The following GPR158 variants were observed in gnomAD, a reference collection of about 807,000 sequenced individuals.
GPR158 encodes the protein G protein-coupled receptor 158, also known as metabotropic glycine receptor.
In GPR158, 30 loss-of-function variants were observed where a neutral mutation model predicts 78.2. The observed-to-expected ratio is 0.38, with a 90% CI of 0.29 to 0.52. The LOEUF (loss-of-function observed/expected upper bound fraction) is 0.52. GPR158 is among the 20% of genes least tolerant of loss of function. The pLI is 0.83. For synonymous variants in GPR158, 581 were observed against 591.1 expected, an observed-to-expected ratio of 0.98 and a Z score of 0.25; for missense variants, 1,463 against 1,523.5, an observed-to-expected ratio of 0.96 and a Z score of 0.66.
At chr10:25,490,878 A>G (rs1247396153) in intron 5 of GPR158, among the ~76,000 whole-genome samples, 1 of 152,184 alleles carries the variant, frequency 6.6e-6, no homozygotes, top group Non-Finnish European at 1.5e-5. Context: ...GTGTGTATAC[A>G]CAAAATAATA....
chr10:25,479,492 G>A (rs1394088378), intron 5 of GPR158, among the ~76,000 whole-genome samples: 1 of 152,038 alleles, frequency 6.6e-6, no homozygotes, highest in African/African-American at 2.4e-5. Flanking sequence ...CTTGCTCACT[G>A]CAACCTGTGC....
chr10:25,292,150 T>C (rs1854447702), intron 2 of GPR158, among the ~76,000 whole-genome samples: 3 of 151,938 alleles, frequency 2.0e-5, no homozygotes, highest in Admixed American at 2.0e-4. Context: ...AAACTACTTA[T>C]GTATCAATTG....
At chr10:25,537,979 A>G (rs1836522698) in intron 5 of GPR158, among the ~76,000 whole-genome samples, 1 of 152,188 alleles carries the variant, frequency 6.6e-6, no homozygotes, top group African/African-American at 2.4e-5. Flanking sequence ...ACCCAATTTC[A>G]GGTATTTCTT....
chr10:25,285,013 A>G (rs1437409670), intron 2 of GPR158, among the ~76,000 whole-genome samples: 1 of 152,032 alleles, frequency 6.6e-6, no homozygotes, highest in Non-Finnish European at 1.5e-5. Context: ...ATAATATACA[A>G]ATAAAAGGCA....
At chr10:25,208,558 TTGTGTGTGTGTGTGTGTGTGTGTGTGTG>T (rs71399956) in intron 1 of GPR158, among the ~76,000 whole-genome samples, 2 of 135,154 alleles carry the variant, frequency 1.5e-5, no homozygotes, top group Non-Finnish European at 3.2e-5. Flanking sequence ...CTATGTGAAT[TTGTGTGTGTGTGTGTGTGTGTGTGTGTG>T]TGTGTGTGTG....
intron 2 of GPR158, among the ~76,000 whole-genome samples, chr10:25,331,736 G>A (rs905192226): frequency 2.0e-5 from 3 of 152,140 alleles, no homozygotes; most frequent in Non-Finnish European, 4.4e-5. Flanking sequence ...CTTGAGTCCC[G>A]CATGCTTTGT....
chr10:25,535,813 C>T (rs569347614), intron 5 of GPR158, among the ~76,000 whole-genome samples: 163 of 152,352 alleles, frequency 1.1e-3, no homozygotes, highest in Middle Eastern at 3.4e-3. Flanking sequence ...CTCAACTCCA[C>T]ACTATTCAGA....
At chr10:25,368,242 T>C (rs1833926249) in intron 2 of GPR158, among the ~76,000 whole-genome samples, 1 of 151,852 alleles carries the variant, frequency 6.6e-6, no homozygotes, top group South Asian at 2.1e-4. Context: ...ATTTTAATCC[T>C]TGTTTCAGGA....
chr10:25,293,877 T>C (rs766016266), intron 2 of GPR158, among the ~76,000 whole-genome samples: 12 of 151,730 alleles, frequency 7.9e-5, no homozygotes, highest in Non-Finnish European at 1.5e-4. Flanking sequence ...TCCTGAGTAG[T>C]TGGGATTATA....
intron 5 of GPR158, among the ~76,000 whole-genome samples, chr10:25,492,238 C>T (rs1835820588): frequency 1.3e-5 from 2 of 152,118 alleles, no homozygotes; most frequent in South Asian, 4.1e-4. Context: ...ATTAAGGATC[C>T]ACCTGCATAA....
chr10:25,323,372 A>C (rs370341681), intron 2 of GPR158, among the ~76,000 whole-genome samples: 2 of 152,108 alleles, frequency 1.3e-5, no homozygotes, highest in African/African-American at 4.8e-5. Context: ...CAAGAGACTC[A>C]CTCAGCCTGC....
chr10:25,290,740 G>A (rs1024260175), intron 2 of GPR158, among the ~76,000 whole-genome samples: 1 of 152,002 alleles, frequency 6.6e-6, no homozygotes, highest in African/African-American at 2.4e-5. Context: ...ATATTACTAT[G>A]TATCTTCCTT....
At position 25,245,340 on chromosome 10, in the gene GPR158, G is replaced by A. The variant is rs758593702; in HGVS notation, c.1008+24183G>A. Among the ~76,000 whole-genome samples, 3 of 152,168 alleles carry A rather than the reference G, an allele frequency of 2.0e-5. No homozygotes were observed. The South Asian group carries it at 6.2e-4, about 31-fold the overall frequency. On this transcript the variant is annotated intron_variant, in intron 2 of 10. Coordinates refer to ENST00000376351, the MANE Select transcript of GPR158 (RefSeq NM_020752.3). ...GTCTTCTGTCAGTAAATCCTATGGT[G>A]AGTCATAGGATCATGGGATATGATT...
intron 2 of GPR158, among the ~76,000 whole-genome samples, chr10:25,376,796 G>A (rs144377395): frequency 1.5e-4 from 22 of 151,520 alleles, no homozygotes; most frequent in Admixed American, 1.5e-3. Flanking sequence ...TTTTCTTTCT[G>A]CACTTTCAGT....
chr10:25,539,695 G>C (rs1228517920), intron 5 of GPR158, among the ~76,000 whole-genome samples: 1 of 151,770 alleles, frequency 6.6e-6, no homozygotes, highest in Non-Finnish European at 1.5e-5. Flanking sequence ...TTGTTGTTTT[G>C]GGGTAATAGG....
chr10:25,292,556 T>A (rs1403954283), intron 2 of GPR158, among the ~76,000 whole-genome samples: 1 of 152,132 alleles, frequency 6.6e-6, no homozygotes, highest in Non-Finnish European at 1.5e-5. Context: ...TATAGCAGAA[T>A]CATTGAATGA....
At chr10:25,306,597 CTGT>C (rs1854679551) in intron 2 of GPR158, among the ~76,000 whole-genome samples, 2 of 152,118 alleles carry the variant, frequency 1.3e-5, no homozygotes, top group Admixed American at 1.3e-4. Context: ...ACACATACTT[CTGT>C]TGTTTTCATA....
intron 4 of GPR158, among the ~76,000 whole-genome samples, chr10:25,463,363 G>A (rs1224924845): frequency 2.6e-5 from 4 of 152,040 alleles, no homozygotes; most frequent in Non-Finnish European, 2.9e-5. Flanking sequence ...GCTGTGGTCT[G>A]AAACCAAACC....
At chr10:25,505,976 AT>A (rs1418521553) in intron 5 of GPR158, among the ~76,000 whole-genome samples, 2 of 152,164 alleles carry the variant, frequency 1.3e-5, no homozygotes, top group African/African-American at 2.4e-5. Context: ...TAGACTCTGA[AT>A]TCCTCCATAG....
Sources: gnomAD v4.1 joint callset for allele counts (sites outside exome capture counted in the v4.1 genomes callset) on GRCh38, gnomAD v4.1.1 for gene constraint, MANE v1.5 for transcripts, NCBI Gene and HGNC (gene_info 2026-07-23, HGNC 2026-07-21) for gene names.